DCDC2: variants seen among roughly 807,000 people sequenced by gnomAD.
DCDC2 encodes the protein doublecortin domain containing 2.
In DCDC2, 40 loss-of-function variants were observed where a neutral mutation model predicts 50.2. The observed-to-expected ratio is 0.80, with a 90% CI of 0.62 to 1.04. The LOEUF (loss-of-function observed/expected upper bound fraction) is 1.04, where lower values mean the gene tolerates loss of function less well. DCDC2 is among the 50% of genes least tolerant of loss of function. The probability of loss-of-function intolerance (pLI) is 0.00; values close to 1 mark genes in which losing one functional copy is unlikely to be tolerated. For synonymous variants in DCDC2, 234 were observed against 210.6 expected (o/e 1.11, Z -0.96); for missense variants, 570 against 581.9 (o/e 0.98, Z 0.21).
chr6:24,291,676 C>G (rs62400413), intron 4 of DCDC2, among the ~76,000 whole-genome samples: 27,215 of 149,716 alleles, frequency 0.18, 2,531 homozygotes, highest in African/African-American at 0.22. Flanking sequence ...TAGTAGAGAC[C>G]GGGTTTCACC....
chr6:24,334,725 T>A (rs753552322), intron 2 of DCDC2, among the ~76,000 whole-genome samples: 6 of 152,162 alleles, frequency 3.9e-5, no homozygotes, highest in Non-Finnish European at 8.8e-5. Flanking sequence ...CCAAACACAC[T>A]CCCTTCAACG....
At chr6:24,220,681 C>A (rs1265894391) in intron 7 of DCDC2, among the ~76,000 whole-genome samples, 3 of 152,186 alleles carry the variant, frequency 2.0e-5, no homozygotes, top group Non-Finnish European at 4.4e-5. Context: ...CACTTCACTA[C>A]TACATTAGTC....
At chr6:24,359,012 TATA>T (rs1760571417), upstream of DCDC2, among the ~76,000 whole-genome samples, 3 of 63,900 alleles carry the variant, frequency 4.7e-5, no homozygotes, top group African/African-American at 6.5e-5. Context: ...TTTTATATAT[TATA>T]TATTTTATAT....
intron 6 of DCDC2, among the ~76,000 whole-genome samples, chr6:24,281,654 GA>G (rs1229755643): frequency 2.6e-5 from 4 of 152,016 alleles, no homozygotes; most frequent in Non-Finnish European, 4.4e-5. Context: ...CATAGTTAGA[GA>G]GGGGAAAGGA....
At chr6:24,286,797 T>A (rs1240769549) in intron 6 of DCDC2, among the ~76,000 whole-genome samples, 1 of 152,158 alleles carries the variant, frequency 6.6e-6, no homozygotes, top group Non-Finnish European at 1.5e-5. Flanking sequence ...TTTTCTCAAA[T>A]TCCAAGCTTA....
At chr6:24,378,108 T>C in the DCDC2 span, among the ~76,000 whole-genome samples, 391 of 152,340 alleles carry the variant, frequency 2.6e-3, 18 homozygotes, top group East Asian at 0.067. Context: ...TGGTAAATTC[T>C]AAATATTATG....
At chr6:24,289,345 C>T (rs1429105107) in intron 5 of DCDC2, among the ~76,000 whole-genome samples, 1 of 152,168 alleles carries the variant, frequency 6.6e-6, no homozygotes, top group Non-Finnish European at 1.5e-5. Context: ...CATTTGCATT[C>T]AGGTAGTTTT....
At chr6:24,298,370 T>G (rs771058251) in intron 4 of DCDC2, among the ~76,000 whole-genome samples, 24 of 152,188 alleles carry the variant, frequency 1.6e-4, no homozygotes, top group Non-Finnish European at 2.8e-4. Flanking sequence ...AAGATAAACG[T>G]GCAAAGGCCA....
At chr6:24,329,680 GCCTTAGTTA>G (rs1759933337) in intron 2 of DCDC2, among the ~76,000 whole-genome samples, 1 of 152,164 alleles carries the variant, frequency 6.6e-6, no homozygotes, top group Non-Finnish European at 1.5e-5. Context: ...CTTGCTTTGT[GCCTTAGTTA>G]CATTCAATAC....
Position 24,241,762 on chromosome 6 carries a change from T to A in DCDC2, c.922+36287A>T, listed in dbSNP as rs1056085151. Among the ~76,000 whole-genome samples the A allele has an allele frequency of 3.9e-5, 6 of 152,388 alleles. No homozygotes were observed. The East Asian group carries it at 1.2e-3, about 29-fold the overall frequency. Reference sequence around the variant, plus strand: ...GTCCTTCAAACCTGTGATGGTTTACTGTATGTCTTTCCATATTTTAATTGT... The same window carrying A: ...GTCCTTCAAACCTGTGATGGTTTACAGTATGTCTTTCCATATTTTAATTGT... On this transcript the variant is annotated intron_variant, in intron 7 of 9. Transcript: ENST00000378454.
chr6:24,358,920 A>T (rs370683717), upstream of DCDC2, among the ~76,000 whole-genome samples: 49 of 24,730 alleles, frequency 2.0e-3, no homozygotes, highest in African/African-American at 0.012. Flanking sequence ...TATTATATAT[A>T]TTATATATTA....
intron 8 of DCDC2, among the ~76,000 whole-genome samples, chr6:24,185,688 T>TACATAC (rs1554143072): frequency 1.4e-5 from 2 of 144,400 alleles, no homozygotes; most frequent in Non-Finnish European, 3.0e-5. Context: ...TCCATACACA[T>TACATAC]ACACACACAC....
At chr6:24,305,479 A>G (rs1305274154) in intron 2 of DCDC2, among the ~76,000 whole-genome samples, 4 of 152,230 alleles carry the variant, frequency 2.6e-5, no homozygotes, top group Admixed American at 6.5e-5. Flanking sequence ...CTTTTTAAAA[A>G]CAATACCAGT....
At chr6:24,367,958 G>GT in the DCDC2 span, among the ~76,000 whole-genome samples, 7 of 151,850 alleles carry the variant, frequency 4.6e-5, no homozygotes, top group African/African-American at 1.7e-4. Context: ...ATGACCAAAG[G>GT]TTTTTTTAAA....
intron 7 of DCDC2, among the ~76,000 whole-genome samples, chr6:24,225,031 C>T (rs1762199388): frequency 6.6e-6 from 1 of 152,090 alleles, no homozygotes; most frequent in Admixed American, 6.5e-5. Context: ...AGAAATACTC[C>T]TCTCAGAGCC....
At chr6:24,357,239 GT>G in intron 1 of DCDC2, 1 of 477,448 alleles carries the variant, frequency 2.1e-6, no homozygotes, top group Non-Finnish European at 3.6e-6. Context: ...CAGATTTTAA[GT>G]TTACTCCTAC....
intron 7 of DCDC2, among the ~76,000 whole-genome samples, chr6:24,269,153 C>T (rs1763186094): frequency 6.6e-6 from 1 of 152,126 alleles, no homozygotes; most frequent in African/African-American, 2.4e-5. Context: ...AAAGGAGTCC[C>T]AGGGTATCAC....
intron 2 of DCDC2, among the ~76,000 whole-genome samples, chr6:24,322,275 C>T (rs572250730): frequency 1.3e-5 from 2 of 152,276 alleles, no homozygotes; most frequent in African/African-American, 4.8e-5. Flanking sequence ...TCTGGGGAGT[C>T]ATAACCTACA....
chr6:24,373,861 A>G, the DCDC2 span, among the ~76,000 whole-genome samples: 2 of 152,166 alleles, frequency 1.3e-5, no homozygotes, highest in East Asian at 1.9e-4. Context: ...GGGAGGGAGG[A>G]AAAAAGGAAG....
Sources: allele counts gnomAD v4.1 joint callset (sites outside exome capture counted in the v4.1 genomes callset), GRCh38; gene constraint gnomAD v4.1.1; transcripts MANE v1.5; gene names NCBI Gene and HGNC (gene_info 2026-07-23, HGNC 2026-07-21).